Variants in PRDM9 observed in about 807,000 individuals in gnomAD.
PRDM9 encodes the protein histone-lysine N-methyltransferase PRDM9.
PRDM9 carries 47 observed loss-of-function variants against 55.6 expected under a neutral mutation model. The ratio of observed to expected loss-of-function variants is 0.85; its 90% CI spans 0.67 to 1.08. The LOEUF (loss-of-function observed/expected upper bound fraction) is 1.08. PRDM9 is among the 50% of genes least tolerant of loss of function. PRDM9 has a pLI of 0.00. For synonymous variants in PRDM9, 312 were observed against 375.7 expected, an observed-to-expected ratio of 0.83 and a Z score of 1.96; for missense variants, 867 against 1,040.3, an observed-to-expected ratio of 0.83 and a Z score of 2.29.
intron 8 of PRDM9, 130 bp from the exon 9 acceptor site, chr5:23,523,161 T>G: frequency 2.6e-6 from 3 of 1,161,684 alleles, no homozygotes; most frequent in East Asian, 2.4e-5. Context: ...ATGACTAAGG[T>G]GCATACCATG....
chr5:23,511,291 G>A (rs1455322271), intron 4 of PRDM9, among the ~76,000 whole-genome samples: 2 of 152,178 alleles, frequency 1.3e-5, no homozygotes, highest in Admixed American at 6.6e-5. Flanking sequence ...ATGCAAGACA[G>A]TATATACAGT....
In PRDM9 at chr5:23,523,376, C is replaced by T. The variant is rs1345983803; in HGVS notation, c.950+18C>T. The T allele has an allele frequency of 2.5e-6, 4 of 1,603,200 alleles. No homozygotes were observed. The highest frequency in any genetic ancestry group is 3.4e-6 in the Non-Finnish European group (4 of 1,170,088). On this transcript the variant is annotated intron_variant, in intron 9 of 10. Coordinates refer to ENST00000296682, the MANE Select transcript of PRDM9 (RefSeq NM_020227.4). ...TGGATGAGGTAAGGCCAGTAGCTCTCTGAGTTGCAGAGAGAACCTTCATCT... is the reference window on the plus strand; with the variant it reads ...TGGATGAGGTAAGGCCAGTAGCTCTTTGAGTTGCAGAGAGAACCTTCATCT...
chr5:23,524,232 C>T, intron 9 of PRDM9, 102 bp from the exon 10 acceptor site: 1 of 1,469,116 alleles, frequency 6.8e-7, no homozygotes, highest in Admixed American at 1.7e-5. Context: ...GTGGTCAGCA[C>T]TAGACCATGG....
chr5:23,510,278 C>T (rs1249492260), intron 4 of PRDM9, among the ~76,000 whole-genome samples: 2 of 151,764 alleles, frequency 1.3e-5, no homozygotes, highest in Admixed American at 1.3e-4. Flanking sequence ...TCAAGCTGGT[C>T]TCGAACTCCC....
At chr5:23,512,243 C>T (rs1290511950) in intron 4 of PRDM9, among the ~76,000 whole-genome samples, 1 of 152,070 alleles carries the variant, frequency 6.6e-6, no homozygotes, top group Non-Finnish European at 1.5e-5. Context: ...TTTAGTTTCC[C>T]TGATCTTTCC....
intron 9 of PRDM9, 115 bp from the exon 10 acceptor site, chr5:23,524,219 G>T: frequency 7.5e-7 from 1 of 1,338,212 alleles, no homozygotes; most frequent in South Asian, 1.2e-5. Context: ...GAGTGGTGGG[G>T]GAGTGGTCAG....
In PRDM9 at chr5:23,527,710, C is replaced by T. The variant is rs376505927; in HGVS notation, c.2622C>T (p.Ser874=). 2 of 1,598,772 alleles carry T rather than the reference C, an allele frequency of 1.3e-6. No individual in the cohort carries two copies. The highest frequency in any genetic ancestry group is 2.2e-5 in the South Asian group (2 of 90,012). ...GGCGGGGCTTTAGCGATAGGTCAAG[C>T]CTCTGCTATCACCAGAGGACACACA... is the stretch of plus-strand genomic sequence containing the variant. ...ECGRGFSDRS[S]LCYHQRTHTG... Residue 874 remains serine, a synonymous_variant, in exon 11 of 11, where the codon AGC becomes AGT. Transcript: ENST00000296682.
rs1301903064 is a variant in PRDM9, at chr5:23,509,459, A to G, written c.70-11A>G. 2 of 1,614,158 alleles carry G rather than the reference A, an allele frequency of 1.2e-6. No individual in the cohort carries two copies. Among genetic ancestry groups the G allele is most frequent in the South Asian group, 2.2e-5 (2 of 91,084 alleles). On this transcript the variant is annotated splice_polypyrimidine_tract_variant and intron_variant, in intron 2 of 10. Coordinates refer to ENST00000296682, the MANE Select transcript of PRDM9 (RefSeq NM_020227.4). Reference sequence around the variant, plus strand: ...TAGTAAATCACTGATGGAATCTGTTACTTCCTCTAGGTCAAAGATGCCTTC... The same window carrying G: ...TAGTAAATCACTGATGGAATCTGTTGCTTCCTCTAGGTCAAAGATGCCTTC...
chr5:23,511,094 G>A (rs1482279291), intron 4 of PRDM9, among the ~76,000 whole-genome samples: 2 of 151,880 alleles, frequency 1.3e-5, no homozygotes, highest in African/African-American at 4.8e-5. Context: ...AGGCAGAGGT[G>A]GCAGTGTGCC....
At chr5:23,508,804 C>T in intron 1 of PRDM9, 146 bp from the exon 2 acceptor site, 1 of 561,844 alleles carries the variant, frequency 1.8e-6, no homozygotes, top group South Asian at 2.0e-5. Context: ...CCCATCAGTA[C>T]CCTCAAATCT....
intron 4 of PRDM9, among the ~76,000 whole-genome samples, chr5:23,515,841 G>C (rs1739199612): frequency 6.6e-6 from 1 of 152,012 alleles, no homozygotes; most frequent in Admixed American, 6.6e-5. Context: ...GTTTATTTCT[G>C]GCCTCTCTAT....
rs1739392504 is a variant in PRDM9 at position 23,524,444 on chromosome 5, T to A, written c.1061T>A (p.Leu354Gln). The A allele has an allele frequency of 1.2e-6, 2 of 1,613,842 alleles. No individual in the cohort carries two copies. The highest frequency in any genetic ancestry group is 2.2e-5 in the South Asian group (2 of 91,078). Residue 354 changes from leucine (L) to glutamine (Q), a missense_variant, in exon 10 of 11, where the codon CTG (leucine) becomes CAG (glutamine). Coordinates refer to ENST00000296682, the MANE Select transcript of PRDM9 (RefSeq NM_020227.4). ...CRVIRPGCEL[L>Q]VWYGDEYGQE... ...GTCATTAGGCCAGGCTGTGAACTGCTGGTCTGGTATGGGGATGAATACGGC... is the reference window on the plus strand; with the variant it reads ...GTCATTAGGCCAGGCTGTGAACTGCAGGTCTGGTATGGGGATGAATACGGC...
chr5:23,517,317 A>C (rs946380725), intron 4 of PRDM9, among the ~76,000 whole-genome samples: 1 of 152,178 alleles, frequency 6.6e-6, no homozygotes, highest in Non-Finnish European at 1.5e-5. Context: ...ACTTTAATAG[A>C]CAGGATGAAA....
intron 4 of PRDM9, among the ~76,000 whole-genome samples, chr5:23,510,389 G>A (rs1289747962): frequency 6.6e-6 from 1 of 151,602 alleles, no homozygotes; most frequent in African/African-American, 2.4e-5. Flanking sequence ...TTTTGAGACA[G>A]GGTCTCCCTC....
At chr5:23,516,978 A>C (rs1739223211) in intron 4 of PRDM9, among the ~76,000 whole-genome samples, 2 of 150,680 alleles carry the variant, frequency 1.3e-5, no homozygotes, top group Admixed American at 6.6e-5. Flanking sequence ...CTCTACTAAA[A>C]ATAAAAAATT....
Position 23,527,865 on chromosome 5 carries a change from C to A in PRDM9, c.*92C>A. ...CACCCCAGCTGTGAGGTGGCTTCAG[C>A]GGAAGTCTGCTGACCCCTTATATTC... On this transcript the variant is annotated 3_prime_UTR_variant, in exon 11 of 11. Coordinates refer to ENST00000296682, the MANE Select transcript of PRDM9 (RefSeq NM_020227.4). The A allele has an allele frequency of 6.7e-7, 1 of 1,503,462 alleles. No individual in the cohort carries two copies. Among genetic ancestry groups the A allele is most frequent in the Non-Finnish European group, 9.2e-7 (1 of 1,090,492 alleles). The allele number at this position is 1,503,462 out of a possible 1,614,324, so 93.1% of individuals were successfully genotyped here.
chr5:23,517,689 A>G (rs1482166808), intron 4 of PRDM9, among the ~76,000 whole-genome samples, 192 bp from the exon 5 acceptor site: 1 of 152,180 alleles, frequency 6.6e-6, no homozygotes, highest in African/African-American at 2.4e-5. Context: ...CACAAGGCTG[A>G]GGCAGGAGAA....
In PRDM9 at chr5:23,521,292, C is replaced by T. The variant is rs577653336; in HGVS notation, c.508+113C>T. The T allele has an allele frequency of 2.0e-5, 25 of 1,233,708 alleles. No individual in the cohort carries two copies. In the African/African-American group the frequency reaches 3.2e-4, roughly 16 times the overall value. The allele number at this position is 1,233,708 out of a possible 1,614,324, so 76.4% of individuals were successfully genotyped here. A position where few individuals can be genotyped will look rare whatever the true frequency, so the allele number is the denominator to read the frequency against. The stretch of plus-strand genomic sequence containing the variant: ...TGCATAGGCCTGGGCTTAAGCTGGA[C>T]TCAACTGTGAGACCAGAAGGTAGAT... On this transcript the variant is annotated intron_variant, in intron 6 of 10. Coordinates refer to ENST00000296682, the MANE Select transcript of PRDM9 (RefSeq NM_020227.4).
chr5:23,518,985 C>CT (rs1433681917), intron 5 of PRDM9, among the ~76,000 whole-genome samples: 6 of 152,206 alleles, frequency 3.9e-5, no homozygotes, highest in African/African-American at 1.4e-4. Context: ...CTGAAAATAT[C>CT]TTTGAGTTAG....
Sources: gnomAD v4.1 joint callset for allele counts (sites outside exome capture counted in the v4.1 genomes callset) on GRCh38, gnomAD v4.1.1 for gene constraint, MANE v1.5 for transcripts, NCBI Gene and HGNC (gene_info 2026-07-23, HGNC 2026-07-21) for gene names.